CHD8: variants seen among roughly 807,000 people sequenced by gnomAD.
CHD8 encodes the protein chromodomain helicase DNA binding protein 8.
In CHD8, 31 loss-of-function variants were observed where a neutral mutation model predicts 279.2. That is an observed-to-expected ratio of 0.11 (90% CI 0.08 to 0.15). CHD8 has a LOEUF of 0.15. CHD8 is among the 10% of genes least tolerant of loss of function. The probability of loss-of-function intolerance (pLI) is 1.00; values close to 1 mark genes in which losing one functional copy is unlikely to be tolerated. For missense variants in CHD8, 2,146 were observed against 3,230.5 expected, an observed-to-expected ratio of 0.66 and a Z score of 8.14; for synonymous variants, 1,081 against 1,139.6, an observed-to-expected ratio of 0.95 and a Z score of 1.04.
chr14:21,429,023 G>A lies in CHD8; in HGVS notation c.1156C>T (p.Pro386Ser), dbSNP rs767936386. 242 of 1,613,854 alleles carry A rather than the reference G, an allele frequency of 1.5e-4. No individual in the cohort carries two copies. Among genetic ancestry groups the A allele is most frequent in the Non-Finnish European group, 2.0e-4 (235 of 1,179,896 alleles). Residue 386 changes from proline to serine, a missense_variant, in exon 3 of 38, where the codon CCA (proline) becomes TCA (serine). Physicochemically the swap from Pro to Ser is moderately conservative, Grantham distance 74 (BLOSUM62 -1). This residue lies in a region of CHD8 where 170 missense variants were observed against 189.9 expected (regional missense o/e 0.90). Coordinates refer to ENST00000646647, the MANE Select transcript of CHD8 (RefSeq NM_001170629.2). ...SSVQQAQIMG[P>S]GQSPGQRLSV... ...AGTCTTTGTCCTGGGCTTTGTCCTG[G>A]TCCCATTATCTGAGCCTGCTGTACA...
intron 14 of CHD8, among the ~76,000 whole-genome samples, chr14:21,406,134 T>C (rs1888245572): frequency 6.6e-6 from 1 of 152,186 alleles, no homozygotes; most frequent in Non-Finnish European, 1.5e-5. Context: ...TCTGATTATG[T>C]TTATTCCAAT....
intron 1 of CHD8, chr14:21,454,799 G>A (rs751039872): frequency 5.3e-5 from 8 of 152,104 alleles, no homozygotes; most frequent in Non-Finnish European, 1.0e-4. Flanking sequence ...TAATTCCAAA[G>A]TACTTGAAAT....
At chr14:21,422,699 G>A (rs1036665294) in intron 5 of CHD8, among the ~76,000 whole-genome samples, 4 of 151,976 alleles carry the variant, frequency 2.6e-5, no homozygotes, top group African/African-American at 4.8e-5. Flanking sequence ...AGGCTGAGGC[G>A]GGTGGATCGC....
At chr14:21,422,411 G>C (rs186208550) in intron 5 of CHD8, among the ~76,000 whole-genome samples, 9 of 152,172 alleles carry the variant, frequency 5.9e-5, no homozygotes, top group Non-Finnish European at 1.0e-4. Flanking sequence ...GGTGGTCCTA[G>C]CAAACTAACA....
intron 1 of CHD8, among the ~76,000 whole-genome samples, chr14:21,451,387 T>C (rs565341344): frequency 6.6e-6 from 1 of 151,608 alleles, no homozygotes; most frequent in Non-Finnish European, 1.5e-5. Flanking sequence ...CTGGCCAACA[T>C]AGTGAAACCC....
chr14:21,414,139 T>C (rs1888620816), intron 9 of CHD8, 162 bp downstream of exon 9: 1 of 589,558 alleles, frequency 1.7e-6, no homozygotes, highest in Admixed American at 3.1e-5. Flanking sequence ...AACAAAACAA[T>C]GCAAGGGCAG....
At chr14:21,433,544 C>T (rs896055527) in intron 1 of CHD8, among the ~76,000 whole-genome samples, 1 of 152,130 alleles carries the variant, frequency 6.6e-6, no homozygotes, top group African/African-American at 2.4e-5. Flanking sequence ...CCATATAACC[C>T]CCATGCTATG....
At position 21,414,834 on chromosome 14, in the gene CHD8, A is replaced by G. The variant is rs1322607945; in HGVS notation, c.2024+104T>C. The G allele has an allele frequency of 1.6e-5, 13 of 807,364 alleles. 1 individual carries two copies. In the Admixed American group the frequency reaches 3.2e-4, roughly 20 times the overall value. 50.0% of individuals were successfully genotyped at this position (807,364 alleles called of 1,614,324 possible). On this transcript the variant is annotated intron_variant, in intron 8 of 37. Coordinates refer to ENST00000646647, the MANE Select transcript of CHD8 (RefSeq NM_001170629.2). ...CCCATTAAAAACAGCAACCTGGGCT[A>G]CAAGACTATAAAAAAGGGACACATT...
Position 21,392,600 on chromosome 14 carries a change from C to T in CHD8, c.6678G>A (p.Glu2226=). 6.2e-7 allele frequency: 1 copy of T among 1,613,896 alleles called. No individual in the cohort carries two copies. Among genetic ancestry groups the T allele is most frequent in the Non-Finnish European group, 8.5e-7 (1 of 1,179,858 alleles). ...PRSSSAASMA[E]EEASAVSTAA... is the part of the protein sequence containing the mutation. ...CTGTGCTGACTGCAGATGCTTCCTC[C>T]TCTGCCATGGAAGCTGCACTACTAC... Residue 2226 remains glutamate, a synonymous_variant, in exon 34 of 38, where the codon GAG becomes GAA. Transcript: ENST00000646647.
At chr14:21,429,387 T>G in intron 2 of CHD8, 52 bp from the exon 3 acceptor site, 1 of 1,571,284 alleles carries the variant, frequency 6.4e-7, no homozygotes, top group Non-Finnish European at 8.7e-7. Context: ...AATGGTATAC[T>G]CTGAAATATT....
chr14:21,398,631 G>C (rs1418142672), intron 26 of CHD8: 10 of 152,166 alleles, frequency 6.6e-5, no homozygotes, highest in African/African-American at 2.4e-4. Context: ...TTAAAAAAAA[G>C]ACATTCTAAT....
intron 1 of CHD8, among the ~76,000 whole-genome samples, chr14:21,445,011 G>A (rs1890077024): frequency 6.6e-6 from 1 of 152,050 alleles, no homozygotes; most frequent in South Asian, 2.1e-4. Context: ...TACACAAACT[G>A]GTAATCATTC....
Position 21,394,788 on chromosome 14 carries a change from T to C in CHD8, c.5390+124A>G, listed in dbSNP as rs141035050. 4.3e-5 allele frequency: 44 copies of C among 1,026,932 alleles called. 1 individual carries two copies. The African/African-American group carries it at 6.6e-4, about 15-fold the overall frequency. 63.6% of individuals were successfully genotyped at this position (1,026,932 alleles called of 1,614,324 possible). A position where few individuals can be genotyped will look rare whatever the true frequency, so the allele number is the denominator to read the frequency against. ...AGGTTTTAATTTCTACAGGTTTAAC[T>C]ACCCAAGGCAGAAAAGATGGTCCCT... On this transcript the variant is annotated intron_variant, in intron 30 of 37. Transcript: ENST00000646647.
At chr14:21,436,578 T>C (rs1256865330) in intron 1 of CHD8, among the ~76,000 whole-genome samples, 1 of 152,206 alleles carries the variant, frequency 6.6e-6, no homozygotes, top group African/African-American at 2.4e-5. Flanking sequence ...GGCCATTTTC[T>C]CTGTCTTCAC....
intron 7 of CHD8, chr14:21,415,279 A>C (rs756991973): frequency 1.1e-4 from 43 of 395,036 alleles, no homozygotes; most frequent in Non-Finnish European, 1.3e-4. Context: ...TTAGCAATAT[A>C]TCTGACATCC....
Position 21,394,178 on chromosome 14 carries a change from G to C in CHD8, c.5617C>G (p.Leu1873Val). ...TCCTCAGTGATGGGCTCAATGAACA[G>C]GTTAGGGTCGGGGGGTTCTGCAAGA... ...AAGDEPPDPN[L>V]FIEPITEERA... Residue 1873 changes from leucine (L) to valine (V), a missense_variant, in exon 32 of 38, where the codon CTG (leucine) becomes GTG (valine). By Grantham distance (32) the Leu-to-Val change is conservative. Coordinates refer to ENST00000646647, the MANE Select transcript of CHD8 (RefSeq NM_001170629.2). 1 of 1,607,366 alleles carries C rather than the reference G, an allele frequency of 6.2e-7. No individual in the cohort carries two copies. The highest frequency in any genetic ancestry group is 1.1e-5 in the South Asian group (1 of 90,520).
At position 21,402,026 on chromosome 14, in the gene CHD8, G is replaced by A. The variant is rs267603924; in HGVS notation, c.3993C>T (p.Asp1331=). 4 of 1,613,704 alleles carry A rather than the reference G, an allele frequency of 2.5e-6. No individual in the cohort carries two copies. Among genetic ancestry groups the A allele is most frequent in the Non-Finnish European group, 2.5e-6 (3 of 1,179,804 alleles). Residue 1331 remains aspartate, a synonymous_variant, in exon 20 of 38, where the codon GAC becomes GAT. Coordinates refer to ENST00000646647, the MANE Select transcript of CHD8 (RefSeq NM_001170629.2). The surrounding 1 kb of genome is among the most constrained non-coding windows in gnomAD (Gnocchi z 4.5). ...EGSKFCEEDI[D]QILLRRTTTI... is the part of the protein sequence containing the mutation. ...TTGTAGTTCGTCTTAACAAGATCTGGTCAATGTCCTCTTCACAAAACTTGG... is the reference window on the plus strand; with the variant it reads ...TTGTAGTTCGTCTTAACAAGATCTGATCAATGTCCTCTTCACAAAACTTGG...
rs766944646 is a variant in CHD8, at chr14:21,385,994, C to T, written c.7365G>A (p.Gln2455=). ...TGCTGTGACCCAAAGATGACACAGA[C>T]TGTAGGCCACTACTGCTGTGTTGGA... ...NTFQHSSSGL[Q]SVSSLGHSSA... Residue 2455 remains glutamine (Q), a synonymous_variant, in exon 38 of 38, where the codon CAG becomes CAA. Coordinates refer to ENST00000646647, the MANE Select transcript of CHD8 (RefSeq NM_001170629.2). 6.3e-6 allele frequency: 10 copies of T among 1,585,350 alleles called. No homozygotes were observed. The highest frequency in any genetic ancestry group is 1.8e-5 in the Admixed American group (1 of 55,800).
chr14:21,390,264 T>A (rs533259910), intron 37 of CHD8, among the ~76,000 whole-genome samples: 1 of 152,214 alleles, frequency 6.6e-6, no homozygotes, highest in South Asian at 2.1e-4. Flanking sequence ...AGAAATTGCT[T>A]TAAAACCCTC....
Sources: allele counts gnomAD v4.1 joint callset (sites outside exome capture counted in the v4.1 genomes callset), GRCh38; gene constraint gnomAD v4.1.1; regional missense constraint gnomAD v4.1.1; non-coding constraint Gnocchi (gnomAD v3.1); transcripts MANE v1.5; gene names NCBI Gene and HGNC (gene_info 2026-07-23, HGNC 2026-07-21).